ELOVL6: variants seen among roughly 807,000 people sequenced by gnomAD.
The protein encoded by ELOVL6 is very long chain fatty acid elongase 6.
A neutral mutation model predicts 31.7 loss-of-function variants in ELOVL6; 8 were observed. That is an observed-to-expected ratio of 0.25 (90% CI 0.15 to 0.45). ELOVL6 has a LOEUF of 0.45. ELOVL6 is among the 20% of genes least tolerant of loss of function. ELOVL6 has a pLI of 1.00. For synonymous variants in ELOVL6, 101 were observed against 117.7 expected, an observed-to-expected ratio of 0.86 and a Z score of 0.92; for missense variants, 126 against 326.4, an observed-to-expected ratio of 0.39 and a Z score of 4.73.
At chr4:110,160,571 T>C (rs1758604497) in intron 1 of ELOVL6, among the ~76,000 whole-genome samples, 1 of 152,322 alleles carries the variant, frequency 6.6e-6, no homozygotes, top group South Asian at 2.1e-4. Flanking sequence ...TCAACACCAG[T>C]CTCATGGTGG....
chr4:110,080,856 C>A (rs567354229), intron 2 of ELOVL6, among the ~76,000 whole-genome samples: 2 of 151,904 alleles, frequency 1.3e-5, no homozygotes, highest in Non-Finnish European at 2.9e-5. Flanking sequence ...TCATCTCAGC[C>A]CAAAATCTCC....
Position 110,059,692 on chromosome 4 carries a change from T to C in ELOVL6, c.284A>G (p.Lys95Arg), listed in dbSNP as rs1755086459. The C allele has an allele frequency of 1.2e-6, 2 of 1,614,114 alleles. No individual in the cohort carries two copies. Among genetic ancestry groups the C allele is most frequent in the Non-Finnish European group, 1.7e-6 (2 of 1,179,990 alleles). Reference protein sequence around the residue: ...MVYILMTKGLKQSVCDQGFYN... With the variant: ...MVYILMTKGLRQSVCDQGFYN... ...AAAACCCTGGTCACAAACTGACTGCTTCAGGCCTTTGGTCATCAAAATGTA... is the reference window on the plus strand; with the variant it reads ...AAAACCCTGGTCACAAACTGACTGCCTCAGGCCTTTGGTCATCAAAATGTA... The change falls in exon 3 of 4, where the codon AAG (lysine) becomes AGG (arginine). Residue 95 changes from lysine to arginine, a missense_variant. Lys to Arg is a conservative substitution (Grantham distance 26, BLOSUM62 2). This residue lies in a region of ELOVL6 where 53 missense variants were observed against 193.4 expected (regional missense o/e 0.27). Coordinates refer to ENST00000302274, the MANE Select transcript of ELOVL6 (RefSeq NM_024090.3).
chr4:110,180,930 A>G lies in ELOVL6; in HGVS notation c.89+17317T>C, dbSNP rs561608878. On this transcript the variant is annotated intron_variant, in intron 1 of 3. Transcript: ENST00000302274. ...GGCAGAAAGATTACTTGAGACCCGGAATTCAAGACCAGCCCAGGCCCCATA... is the reference window on the plus strand; with the variant it reads ...GGCAGAAAGATTACTTGAGACCCGGGATTCAAGACCAGCCCAGGCCCCATA... 4.6e-5 allele frequency among the ~76,000 whole-genome samples: 7 copies of G among 152,274 alleles called. No individual in the cohort carries two copies. The East Asian group carries it at 1.2e-3, about 25-fold the overall frequency.
At chr4:110,090,596 C>CTTTGTTT (rs1259935339) in intron 2 of ELOVL6, among the ~76,000 whole-genome samples, 1 of 82,558 alleles carries the variant, frequency 1.2e-5, no homozygotes, top group Non-Finnish European at 2.2e-5. Flanking sequence ...GAAAGTTTGA[C>CTTTGTTT]TTTCTTTTTT....
At chr4:110,070,314 A>G (rs1755431830) in intron 2 of ELOVL6, among the ~76,000 whole-genome samples, 1 of 152,232 alleles carries the variant, frequency 6.6e-6, no homozygotes, top group Non-Finnish European at 1.5e-5. Context: ...AATGATGCTT[A>G]TATGAACCAA....
chr4:110,088,592 AT>A (rs1560818020), intron 2 of ELOVL6, among the ~76,000 whole-genome samples: 2 of 152,104 alleles, frequency 1.3e-5, no homozygotes, highest in African/African-American at 4.8e-5. Flanking sequence ...AACATATAGT[AT>A]TTTTTTCCTT....
intron 1 of ELOVL6, among the ~76,000 whole-genome samples, chr4:110,108,695 A>G (rs924117743): frequency 2.6e-5 from 4 of 152,208 alleles, no homozygotes; most frequent in Admixed American, 6.5e-5. Context: ...AGACTATCCA[A>G]CATTGTCATG....
At chr4:110,128,656 G>T (rs1160370760) in intron 1 of ELOVL6, among the ~76,000 whole-genome samples, 1 of 152,212 alleles carries the variant, frequency 6.6e-6, no homozygotes, top group African/African-American at 2.4e-5. Flanking sequence ...TCCATCGAGT[G>T]CCTTCTGCAA....
rs572760115 is a variant in ELOVL6, at chr4:110,198,557, C to G, written c.-222G>C. 2.1e-6 allele frequency: 1 copy of G among 487,450 alleles called. No individual in the cohort carries two copies. Among genetic ancestry groups the G allele is most frequent in the South Asian group, 3.4e-5 (1 of 29,806 alleles). 30.2% of individuals were successfully genotyped at this position (487,450 alleles called of 1,614,324 possible). On this transcript the variant is annotated 5_prime_UTR_variant, in exon 1 of 4. Coordinates refer to ENST00000302274, the MANE Select transcript of ELOVL6 (RefSeq NM_024090.3). ...GCTCCCAGCTCCTCTCTCTGGGGCT[C>G]TCCTCCTCCCGGCGTCCGCATCCAC...
chr4:110,101,522 T>C (rs1756741355), intron 2 of ELOVL6, among the ~76,000 whole-genome samples: 1 of 152,194 alleles, frequency 6.6e-6, no homozygotes, highest in South Asian at 2.1e-4. Context: ...CAATAATAAA[T>C]GGCCAATATG....
chr4:110,146,566 T>G (rs1172069486), intron 1 of ELOVL6: 1 of 152,456 alleles, frequency 6.6e-6, no homozygotes, highest in Non-Finnish European at 1.5e-5. Context: ...GATGTCACTT[T>G]ACAAAAACAG....
At chr4:110,167,223 T>C (rs1253332813) in intron 1 of ELOVL6, among the ~76,000 whole-genome samples, 1 of 152,252 alleles carries the variant, frequency 6.6e-6, no homozygotes, top group Non-Finnish European at 1.5e-5. Context: ...ATAAAAACTT[T>C]ATCCCATCTT....
At chr4:110,066,507 C>G (rs1306637866) in intron 2 of ELOVL6, among the ~76,000 whole-genome samples, 2 of 151,690 alleles carry the variant, frequency 1.3e-5, no homozygotes, top group Non-Finnish European at 2.9e-5. Context: ...GGCGTGGTGA[C>G]AGGCGCCTGT....
chr4:110,127,465 C>T (rs1183299774), intron 1 of ELOVL6, among the ~76,000 whole-genome samples: 1 of 149,740 alleles, frequency 6.7e-6, no homozygotes, highest in Non-Finnish European at 1.5e-5. Flanking sequence ...GCTCCTAAAG[C>T]TTCTCCTCTA....
intron 3 of ELOVL6, among the ~76,000 whole-genome samples, chr4:110,057,021 A>T (rs150811009): frequency 4.2e-4 from 64 of 152,332 alleles, no homozygotes; most frequent in African/African-American, 1.4e-3. Flanking sequence ...CCTAAAAGTC[A>T]GGAGGACAGA....
At chr4:110,145,983 A>T (rs1338066953) in intron 1 of ELOVL6, among the ~76,000 whole-genome samples, 1 of 152,170 alleles carries the variant, frequency 6.6e-6, no homozygotes, top group East Asian at 1.9e-4. Flanking sequence ...ATTTTTCACA[A>T]AATTGGAAAA....
intron 1 of ELOVL6, among the ~76,000 whole-genome samples, chr4:110,167,422 AT>A (rs997160431): frequency 5.3e-5 from 8 of 151,898 alleles, no homozygotes; most frequent in East Asian, 3.9e-4. Context: ...TGTGGTATAC[AT>A]TTTTTTTGTC....
intron 2 of ELOVL6, among the ~76,000 whole-genome samples, chr4:110,083,906 C>A (rs1176590285): frequency 2.3e-5 from 1 of 43,968 alleles, no homozygotes; most frequent in African/African-American, 9.3e-5. Context: ...TATATATATA[C>A]ACATAGAGAG....
intron 1 of ELOVL6, among the ~76,000 whole-genome samples, chr4:110,179,121 A>G (rs553048175): frequency 1.3e-5 from 2 of 152,286 alleles, no homozygotes; most frequent in East Asian, 3.9e-4. Flanking sequence ...AAAAAAGATT[A>G]TATGTATACC....
Sources: gnomAD v4.1 joint callset for allele counts (sites outside exome capture counted in the v4.1 genomes callset) on GRCh38, gnomAD v4.1.1 for gene constraint, gnomAD v4.1.1 regional missense constraint, MANE v1.5 for transcripts, NCBI Gene and HGNC (gene_info 2026-07-23, HGNC 2026-07-21) for gene names.